The following SIGIRR variants were observed in gnomAD, a reference collection of about 807,000 sequenced individuals.
The protein encoded by SIGIRR is single Ig and TIR domain containing.
In SIGIRR, 41 loss-of-function variants were observed where a neutral mutation model predicts 45.6. The ratio of observed to expected loss-of-function variants is 0.90; its 90% CI spans 0.70 to 1.17. The LOEUF (loss-of-function observed/expected upper bound fraction) is 1.17, where lower values mean the gene tolerates loss of function less well. Ranked by LOEUF, SIGIRR falls within the 50% of genes most tolerant of loss-of-function variation. SIGIRR has a pLI of 0.00. For missense variants in SIGIRR, 599 were observed against 539.6 expected, an observed-to-expected ratio of 1.11 and a Z score of -1.09; for synonymous variants, 298 against 239.0, an observed-to-expected ratio of 1.25 and a Z score of -2.28.
Position 408,219 on chromosome 11 carries a change from AGCCAGGGTCAGGGTC to A in SIGIRR, c.207-28_207-14del. Reference sequence around the variant, plus strand: ...GTTGGCCTTGACCCTGGGGATACCAAGCCAGGGTCAGGGTCGACTGGGGATACCAGTGGACACCCC... The same window carrying A: ...GTTGGCCTTGACCCTGGGGATACCAAGACTGGGGATACCAGTGGACACCCC... On this transcript the variant is annotated splice_polypyrimidine_tract_variant and intron_variant, in intron 3 of 9. Transcript: ENST00000431843. 6.2e-7 allele frequency: 1 copy of A among 1,612,074 alleles called. No individual in the cohort carries two copies.
Position 407,814 on chromosome 11 carries a change from C to T in SIGIRR, c.481+3G>A. 6.2e-7 allele frequency: 1 copy of T among 1,612,518 alleles called. No individual in the cohort carries two copies. On this transcript the variant is annotated splice_donor_region_variant and intron_variant, in intron 5 of 9. Coordinates refer to ENST00000431843, the MANE Select transcript of SIGIRR (RefSeq NM_001135054.2). ...TCCTCGCGCCCACGCGGGCCCCACG[C>T]ACCGTTTATCTCCACCTCCCCATAC...
chr11:407,114 C>CCGA lies in SIGIRR; in HGVS notation c.675_676insTCG (p.Ile225_Val226insSer). On this transcript the variant is annotated inframe_insertion, in exon 7 of 10. Transcript: ENST00000431843. ...CTCAGGAAGGCGTCCGAAAGCACCA[C>CCGA]GATGAGGCGTCGGCAGCGGCTCAGG... 5 of 1,543,300 alleles carry CCGA rather than the reference C, an allele frequency of 3.2e-6. No homozygotes were observed. The highest frequency in any genetic ancestry group is 1.9e-5 in the Admixed American group (1 of 52,908).
chr11:407,383 G>C, intron 6 of SIGIRR, 42 bp downstream of exon 6: 24 of 1,260,026 alleles, frequency 1.9e-5, no homozygotes, highest in Non-Finnish European at 2.3e-5. Context: ...GGGCGGGGCG[G>C]GCCCTCCGGG....
chr11:414,416 C>T (rs111610435), intron 1 of SIGIRR, among the ~76,000 whole-genome samples: 18,990 of 150,398 alleles, frequency 0.13, 1,559 homozygotes, highest in Non-Finnish European at 0.18. Flanking sequence ...CCCCTCCTCC[C>T]CTGCACACAT....
rs1847342716 is a variant in SIGIRR, at chr11:406,968, G to A, written c.754C>T (p.Leu252Phe). Residue 252 changes from leucine (L) to phenylalanine (F), a missense_variant, in exon 8 of 10, where the codon CTC becomes TTC. Coordinates refer to ENST00000431843, the MANE Select transcript of SIGIRR (RefSeq NM_001135054.2). ...GTGATGAAGATGGGTCTGCGGGTGA[G>A]CTCCAGCAGCCGGCACAGGCCCTCC... ...FREGLCRLLE[L>F]TRRPIFITFE... The A allele has an allele frequency of 1.9e-6, 3 of 1,601,064 alleles. No individual in the cohort carries two copies. Among genetic ancestry groups the A allele is most frequent in the African/African-American group, 2.7e-5 (2 of 74,482 alleles).
In SIGIRR at chr11:406,507, T is replaced by C. The variant is rs140776836; in HGVS notation, c.911A>G (p.Gln304Arg). Residue 304 changes from glutamine to arginine, a missense_variant, in exon 9 of 10, where the codon CAG becomes CGG. Gln to Arg is a conservative substitution (Grantham distance 43). Coordinates refer to ENST00000431843, the MANE Select transcript of SIGIRR (RefSeq NM_001135054.2). ...CTGCACCTTCCGCGGCAGCGCCAGC[T>C]GCACTTCTTTCCAAAAATCGGAGGA... is the stretch of plus-strand genomic sequence containing the variant. ...TPSSDFWKEVQLALPRKVQYR... is the reference protein window; with the variant it reads ...TPSSDFWKEVRLALPRKVQYR... 1.2e-6 allele frequency: 2 copies of C among 1,610,360 alleles called. No individual in the cohort carries two copies. The highest frequency in any genetic ancestry group is 2.2e-5 in the South Asian group (2 of 91,044).
chr11:407,112 CACG>C lies in SIGIRR; in HGVS notation c.675_677del (p.Ile225_Val226delinsMet). ...GGCTCAGGAAGGCGTCCGAAAGCAC[CACG>C]ATGAGGCGTCGGCAGCGGCTCAGGT... On this transcript the variant is annotated inframe_deletion, in exon 7 of 10. Transcript: ENST00000431843. The C allele has an allele frequency of 1.3e-6, 2 of 1,573,318 alleles. No individual in the cohort carries two copies. The highest frequency in any genetic ancestry group is 1.2e-5 in the South Asian group (1 of 86,340).
Position 406,376 on chromosome 11 carries a change from CCT to C in SIGIRR, c.1040_1041del (p.Glu347GlyfsTer6). ...RVPEGRALDS[E>X]VDPDPEGDLG... ...AGGTCGCCCTCAGGGTCCGGGTCCACCTCTGAGTCCAGGGCCCGGCCCTCAGG... is the reference window on the plus strand; with the variant it reads ...AGGTCGCCCTCAGGGTCCGGGTCCACCTGAGTCCAGGGCCCGGCCCTCAGG... On this transcript the variant is annotated frameshift_variant, in exon 9 of 10. Coordinates refer to ENST00000431843, the MANE Select transcript of SIGIRR (RefSeq NM_001135054.2). LOFTEE classifies it high-confidence loss of function. 1 of 1,612,632 alleles carries C rather than the reference CCT, an allele frequency of 6.2e-7. No homozygotes were observed. Among genetic ancestry groups the C allele is most frequent in the Non-Finnish European group, 8.5e-7 (1 of 1,179,842 alleles).
At position 406,183 on chromosome 11, in the gene SIGIRR, C is replaced by G. The variant is rs1307223180; in HGVS notation, c.1070-124G>C. ...CTGTGAGGCCCAGGAAGTTCCCAGG[C>G]AGACCGAGGGCCGAGCACCTCCAGG... On this transcript the variant is annotated intron_variant, in intron 9 of 9. Transcript: ENST00000431843. 4 of 1,537,660 alleles carry G rather than the reference C, an allele frequency of 2.6e-6. No individual in the cohort carries two copies. The South Asian group carries it at 4.8e-5, about 18-fold the overall frequency.
At chr11:411,715 TGGGGGG>T (rs553392063) in intron 1 of SIGIRR, among the ~76,000 whole-genome samples, 111 of 4,550 alleles carry the variant, frequency 0.024, no homozygotes, top group East Asian at 0.057. Context: ...ATACAGTCGG[TGGGGGG>T]GGGGGGTGCC....
At position 406,988 on chromosome 11, in the gene SIGIRR, C is replaced by A. The variant is rs1847344476; in HGVS notation, c.734G>T (p.Gly245Val). ...RAWCSHSFRE[G>V]LCRLLELTRR... ...GGTGAGCTCCAGCAGCCGGCACAGG[C>A]CCTCCCTGCGGGGCGGGACCGTCAG... The change falls in exon 8 of 10, where the codon GGC (glycine) becomes GTC (valine). Residue 245 changes from glycine (G) to valine (V), a missense_variant. Gly to Val is a moderately radical substitution (Grantham distance 109, BLOSUM62 -3). Coordinates refer to ENST00000431843, the MANE Select transcript of SIGIRR (RefSeq NM_001135054.2). 2 of 1,598,934 alleles carry A rather than the reference C, an allele frequency of 1.3e-6. No individual in the cohort carries two copies. Among genetic ancestry groups the A allele is most frequent in the South Asian group, 2.2e-5 (2 of 90,058 alleles).
intron 1 of SIGIRR, among the ~76,000 whole-genome samples, chr11:413,495 T>C (rs1446183969): frequency 2.0e-5 from 3 of 151,958 alleles, no homozygotes; most frequent in Non-Finnish European, 4.4e-5. Context: ...TGGCATCTCC[T>C]GCAGTGCTTC....
chr11:407,696 G>T, intron 5 of SIGIRR, 121 bp downstream of exon 5: 1 of 1,561,110 alleles, frequency 6.4e-7, no homozygotes, highest in Non-Finnish European at 8.7e-7. Context: ...CCCCAGCCGG[G>T]CCGCACAGAG....
rs550395895 is a variant in SIGIRR, at chr11:407,054, G to A, written c.728+8C>T. The A allele has an allele frequency of 2.3e-5, 37 of 1,577,008 alleles. No individual in the cohort carries two copies. Among genetic ancestry groups the A allele is most frequent in the Middle Eastern group, 1.7e-4 (1 of 5,758 alleles). On this transcript the variant is annotated splice_region_variant and intron_variant, in intron 7 of 9. Coordinates refer to ENST00000431843, the MANE Select transcript of SIGIRR (RefSeq NM_001135054.2). ...GCTGGGGCCCACCCAACCCCGCGCG[G>A]GACCCACCGGAAGCTGTGGCTGCAC...
At chr11:415,520 C>T, upstream of SIGIRR, among the ~76,000 whole-genome samples, 1 of 152,304 alleles carries the variant, frequency 6.6e-6, no homozygotes, top group South Asian at 2.1e-4. The surrounding 1 kb of genome is among the most constrained non-coding windows in gnomAD (Gnocchi z 6.6). Context: ...TCTTTGACCT[C>T]TGACCCCGGG....
chr11:406,123 A>T, intron 9 of SIGIRR, 64 bp from the exon 10 acceptor site: 1 of 1,540,836 alleles, frequency 6.5e-7, no homozygotes. Flanking sequence ...ACCCACTGCC[A>T]GGGGCTGCCC....
rs1847437159 is a variant in SIGIRR, at chr11:408,148, TGGTC to T, written c.261_264del (p.Thr88AlafsTer71). Reference sequence around the variant, plus strand: ...GTGAAGGCCCCATAGACTTCAGTGCTGGTCACGTTGACCCCCAGGACACTGGACA... The same window carrying T: ...GTGAAGGCCCCATAGACTTCAGTGCTACGTTGACCCCCAGGACACTGGACA... On this transcript the variant is annotated frameshift_variant, in exon 4 of 10. Transcript: ENST00000431843. LOFTEE classifies it high-confidence loss of function. 1.9e-6 allele frequency: 3 copies of T among 1,612,680 alleles called. No individual in the cohort carries two copies. Among genetic ancestry groups the T allele is most frequent in the Non-Finnish European group, 1.7e-6 (2 of 1,179,968 alleles).
chr11:407,190 G>T, intron 6 of SIGIRR, 26 bp from the exon 7 acceptor site: 4 of 1,109,594 alleles, frequency 3.6e-6, no homozygotes, highest in South Asian at 1.8e-5. Context: ...CGTCGGCGGC[G>T]CAGGGGCGGG....
In SIGIRR at chr11:407,489, C is replaced by A. The variant is rs755016689; in HGVS notation, c.561G>T (p.Pro187=). 12 of 1,595,556 alleles carry A rather than the reference C, an allele frequency of 7.5e-6. No homozygotes were observed. Among genetic ancestry groups the A allele is most frequent in the South Asian group, 5.6e-5 (5 of 88,664 alleles). ...TGTAGCCCCGACGCCGCTCCAGCTG[C>A]GGCTTTAGGATGAAGTTCACGAACT... ...DRKFVNFILK[P]QLERRRGYKL... is the part of the protein sequence containing the mutation. Residue 187 remains proline (P), a synonymous_variant, in exon 6 of 10, where the codon CCG becomes CCT. Coordinates refer to ENST00000431843, the MANE Select transcript of SIGIRR (RefSeq NM_001135054.2).
Sources: allele counts gnomAD v4.1 joint callset (sites outside exome capture counted in the v4.1 genomes callset), GRCh38; gene constraint gnomAD v4.1.1; non-coding constraint Gnocchi (gnomAD v3.1); transcripts MANE v1.5; gene names NCBI Gene and HGNC (gene_info 2026-07-23, HGNC 2026-07-21).